The following XKR9 variants were observed in gnomAD, a reference collection of about 807,000 sequenced individuals.
XKR9 encodes the protein XK related 9, also known as XK-related protein 9.
A neutral mutation model predicts 32.0 loss-of-function variants in XKR9; 32 were observed. The observed-to-expected ratio is 1.00, with a 90% CI of 0.76 to 1.34. XKR9 has a LOEUF of 1.34. XKR9 is among the 40% of genes most tolerant of loss of function. The pLI is 0.00. For synonymous variants in XKR9, 168 were observed against 143.4 expected, an observed-to-expected ratio of 1.17 and a Z score of -1.22; for missense variants, 546 against 429.7, an observed-to-expected ratio of 1.27 and a Z score of -2.39.
At chr8:70,676,091 C>G (rs557076046) in intron 2 of XKR9, among the ~76,000 whole-genome samples, 2 of 152,286 alleles carry the variant, frequency 1.3e-5, no homozygotes, top group African/African-American at 4.8e-5. Flanking sequence ...GTGCCAGAAT[C>G]TGCTTTTGGG....
intron 3 of XKR9, among the ~76,000 whole-genome samples, chr8:70,688,502 C>T (rs1402296363): frequency 2.0e-5 from 3 of 151,966 alleles, no homozygotes; most frequent in Non-Finnish European, 2.9e-5. Flanking sequence ...CTGCAAGCTC[C>T]GCCTCCCAGG....
chr8:70,959,807 G>A, the XKR9 span, among the ~76,000 whole-genome samples: 3 of 152,226 alleles, frequency 2.0e-5, no homozygotes, highest in South Asian at 2.1e-4. Context: ...TGCAAACTGC[G>A]TGTTTATAGA....
At chr8:71,057,902 G>T in the XKR9 span, among the ~76,000 whole-genome samples, 3 of 152,186 alleles carry the variant, frequency 2.0e-5, no homozygotes, top group East Asian at 5.8e-4. Context: ...TAATAAATTG[G>T]GGCCATGCGC....
At chr8:70,715,953 C>T (rs1806072973) in intron 4 of XKR9, among the ~76,000 whole-genome samples, 1 of 151,210 alleles carries the variant, frequency 6.6e-6, no homozygotes, top group Admixed American at 6.6e-5. Context: ...GAAGGCCTGG[C>T]AAAAGTTTAA....
chr8:70,959,159 T>A, the XKR9 span, among the ~76,000 whole-genome samples: 4 of 152,192 alleles, frequency 2.6e-5, no homozygotes, highest in Admixed American at 2.6e-4. Context: ...GTTTTAAAAA[T>A]GAGCACATTT....
intron 2 of XKR9, among the ~76,000 whole-genome samples, chr8:70,743,740 G>A (rs1453079335): frequency 2.0e-5 from 3 of 152,070 alleles, no homozygotes; most frequent in Non-Finnish European, 4.4e-5. Context: ...TTTTTCAGCA[G>A]TTGTGATCAC....
chr8:70,995,689 T>G, the XKR9 span, among the ~76,000 whole-genome samples: 6 of 152,230 alleles, frequency 3.9e-5, no homozygotes, highest in East Asian at 7.7e-4. Context: ...CAATTAAAAT[T>G]TTTTTTTCTA....
At chr8:70,748,131 G>A (rs571452054) in intron 2 of XKR9, among the ~76,000 whole-genome samples, 17 of 152,290 alleles carry the variant, frequency 1.1e-4, no homozygotes, top group Non-Finnish European at 1.8e-4. Flanking sequence ...TGACAGGGGC[G>A]GCCCATCTGG....
the XKR9 span, among the ~76,000 whole-genome samples, chr8:70,949,861 C>A: frequency 6.6e-6 from 1 of 152,070 alleles, no homozygotes; most frequent in Non-Finnish European, 1.5e-5. Context: ...CTAAGTACTT[C>A]TATGGATCAT....
the XKR9 span, among the ~76,000 whole-genome samples, chr8:71,043,331 G>T: frequency 1.3e-5 from 2 of 152,226 alleles, no homozygotes; most frequent in South Asian, 4.1e-4. Flanking sequence ...TGGAATGCAG[G>T]CAGAATAGGC....
the XKR9 span, among the ~76,000 whole-genome samples, chr8:70,798,417 GTTAAT>G: frequency 0.4 from 60,678 of 151,286 alleles, 13,603 homozygotes; most frequent in Non-Finnish European, 0.52. Flanking sequence ...GTTTTTGCTT[GTTAAT>G]TTAAGTTTTT....
chr8:70,971,352 C>T, the XKR9 span, among the ~76,000 whole-genome samples: 1 of 151,494 alleles, frequency 6.6e-6, no homozygotes, highest in African/African-American at 2.4e-5. Context: ...TTTGTAGATT[C>T]TGGGTATTAG....
chr8:71,031,527 T>C, the XKR9 span, among the ~76,000 whole-genome samples: 1 of 152,192 alleles, frequency 6.6e-6, no homozygotes, highest in South Asian at 2.1e-4. Context: ...GGATAACTCA[T>C]AAGACTGTTA....
chr8:70,677,790 A>C (rs2132104494), intron 2 of XKR9, among the ~76,000 whole-genome samples: 1 of 152,328 alleles, frequency 6.6e-6, no homozygotes, highest in East Asian at 1.9e-4. Flanking sequence ...GGGATTTGTG[A>C]GGATTAAATG....
the XKR9 span, among the ~76,000 whole-genome samples, chr8:70,881,823 T>C: frequency 2.6e-5 from 4 of 152,234 alleles, no homozygotes; most frequent in Non-Finnish European, 5.9e-5. Flanking sequence ...AACGTATGTT[T>C]ATTGCGGCAC....
intron 4 of XKR9, among the ~76,000 whole-genome samples, chr8:70,707,496 T>G (rs1409085669): frequency 6.6e-6 from 1 of 152,052 alleles, no homozygotes; most frequent in Admixed American, 6.6e-5. Flanking sequence ...TGGAGATCTG[T>G]TCATCTTAGT....
the XKR9 span, among the ~76,000 whole-genome samples, chr8:70,895,642 T>C: frequency 3.9e-5 from 6 of 152,076 alleles, no homozygotes; most frequent in East Asian, 9.7e-4. Context: ...CTTATTATGA[T>C]GTTAGCTATA....
chr8:70,694,211 C>T (rs180881207), intron 3 of XKR9, among the ~76,000 whole-genome samples: 1 of 152,208 alleles, frequency 6.6e-6, no homozygotes, highest in Non-Finnish European at 1.5e-5. Flanking sequence ...ACCGTGGTTG[C>T]GAGGTCCCAC....
intron 2 of XKR9, among the ~76,000 whole-genome samples, chr8:70,748,051 A>G (rs1354266072): frequency 3.3e-5 from 5 of 152,228 alleles, no homozygotes; most frequent in African/African-American, 4.8e-5. Flanking sequence ...TTGTTATTAT[A>G]TCTTTGTAAA....
Sources: allele counts gnomAD v4.1 joint callset (sites outside exome capture counted in the v4.1 genomes callset), GRCh38; gene constraint gnomAD v4.1.1; transcripts MANE v1.5; gene names NCBI Gene and HGNC (gene_info 2026-07-23, HGNC 2026-07-21).